ROPN1: variants seen among roughly 807,000 people sequenced by gnomAD.
ROPN1 encodes ropporin-1A.
In ROPN1, 14 loss-of-function variants were observed where a neutral mutation model predicts 20.5. The observed-to-expected ratio is 0.68, with a 90% confidence interval of 0.45 to 1.07. The LOEUF (loss-of-function observed/expected upper bound fraction) is 1.07. Ranked by LOEUF, ROPN1 falls within the 50% of genes least tolerant of loss-of-function variation. The pLI, the probability that ROPN1 is intolerant of heterozygous loss-of-function variation, is 0.00. For missense variants in ROPN1, 169 were observed against 242.8 expected (o/e 0.70, Z 2.02); for synonymous variants, 76 against 95.7 (o/e 0.79, Z 1.20).
intron 5 of ROPN1, 46 bp downstream of exon 5, chr3:123,969,996 C>A (rs371695015): frequency 1.3e-6 from 2 of 1,592,138 alleles, no homozygotes; most frequent in South Asian, 1.1e-5. Context: ...AGCTAGATTT[C>A]TTTTCCTGGT....
chr3:123,969,139 T>C lies in ROPN1; in HGVS notation c.*16A>G. The C allele has an allele frequency of 1.2e-6, 2 of 1,607,718 alleles. No individual in the cohort carries two copies. The highest frequency in any genetic ancestry group is 1.7e-6 in the Non-Finnish European group (2 of 1,174,220). On this transcript the variant is annotated 3_prime_UTR_variant, in exon 6 of 6. Coordinates refer to ENST00000405845, the MANE Select transcript of ROPN1 (RefSeq NM_001317774.2). ...TCATCTCTGTATCTTCCTTTAAAATTGCCAAAATTGTGCTTTTACTCCAGC... is the reference window on the plus strand; with the variant it reads ...TCATCTCTGTATCTTCCTTTAAAATCGCCAAAATTGTGCTTTTACTCCAGC...
intron 1 of ROPN1, among the ~76,000 whole-genome samples, chr3:123,989,757 G>A (rs1248957221): frequency 6.6e-6 from 1 of 152,168 alleles, no homozygotes; most frequent in Admixed American, 6.5e-5. Flanking sequence ...ACCTTTTAGT[G>A]AATGGCTTCT....
Position 123,969,994 on chromosome 3 carries a change from T to A in ROPN1, c.572+48A>T, listed in dbSNP as rs770013379. 4 of 1,588,036 alleles carry A rather than the reference T, an allele frequency of 2.5e-6. No homozygotes were observed. In the East Asian group the frequency reaches 9.0e-5, roughly 36 times the overall value. ...ATCTCACTATCTTGGCCAGCTAGAT[T>A]TCTTTTCCTGGTATTCTTTCACCTC... On this transcript the variant is annotated intron_variant, in intron 5 of 5. Coordinates refer to ENST00000405845, the MANE Select transcript of ROPN1 (RefSeq NM_001317774.2).
chr3:123,972,350 C>G (rs2037933347), intron 4 of ROPN1, among the ~76,000 whole-genome samples: 1 of 152,172 alleles, frequency 6.6e-6, no homozygotes, highest in African/African-American at 2.4e-5. Flanking sequence ...CATTCTCTTG[C>G]ACAATATTTT....
At chr3:123,974,943 A>T (rs2037990839) in intron 4 of ROPN1, 1 of 188,700 alleles carries the variant, frequency 5.3e-6, no homozygotes, top group African/African-American at 2.4e-5. Context: ...CTTATGTCTG[A>T]GTTCTGCATC....
At chr3:123,978,738 A>T (rs911596336) in intron 2 of ROPN1, 2 of 152,582 alleles carry the variant, frequency 1.3e-5, no homozygotes, top group African/African-American at 4.8e-5. Context: ...TAAGTAAGTC[A>T]CATACAACCA....
rs369775075 is a variant in ROPN1, at chr3:123,976,863, C to T, written c.234+1G>A. On this transcript the variant is annotated splice_donor_variant, in intron 3 of 5. Transcript: ENST00000405845. LOFTEE classifies it high-confidence loss of function. ...CCTCAATGCTGCAGCAGGGCCCTTA[C>T]CTGAGAATGCAGGATCTTTAACAGC... The T allele has an allele frequency of 5.0e-6, 8 of 1,613,434 alleles. No individual in the cohort carries two copies. The highest frequency in any genetic ancestry group is 5.9e-6 in the Non-Finnish European group (7 of 1,179,668).
chr3:123,990,382 G>A (rs1228648379), intron 1 of ROPN1, among the ~76,000 whole-genome samples: 2 of 151,976 alleles, frequency 1.3e-5, no homozygotes, highest in African/African-American at 4.8e-5. Context: ...CAGTTTTCAA[G>A]CTTGGATGAC....
At chr3:123,969,693 G>A (rs2037875735) in intron 5 of ROPN1, among the ~76,000 whole-genome samples, 1 of 152,128 alleles carries the variant, frequency 6.6e-6, no homozygotes, top group Non-Finnish European at 1.5e-5. Flanking sequence ...GCGTGAGTCA[G>A]AGTTACTAGG....
rs367680353 is a variant in ROPN1 at position 123,980,504 on chromosome 3, G to C, written c.-12-11C>G. The stretch of plus-strand genomic sequence containing the variant: ...CATTGATTGGTTGGCCTATTCTCAG[G>C]AGAAAAAAATACGTTAAGATGAAAA... On this transcript the variant is annotated splice_polypyrimidine_tract_variant and intron_variant, in intron 1 of 5. Coordinates refer to ENST00000405845, the MANE Select transcript of ROPN1 (RefSeq NM_001317774.2). The C allele has an allele frequency of 5.0e-6, 8 of 1,609,178 alleles. No individual in the cohort carries two copies. The highest frequency in any genetic ancestry group is 6.8e-6 in the Non-Finnish European group (8 of 1,176,730).
intron 1 of ROPN1, among the ~76,000 whole-genome samples, chr3:123,985,868 C>T (rs1003585639): frequency 4.0e-5 from 6 of 151,078 alleles, no homozygotes; most frequent in African/African-American, 1.2e-4. Flanking sequence ...AAAAATTAGC[C>T]GGGCATGGTG....
At chr3:123,986,018 A>AAAAAAAAAAAAT (rs201340337) in intron 1 of ROPN1, among the ~76,000 whole-genome samples, 4,237 of 93,910 alleles carry the variant, frequency 0.045, 1,155 homozygotes, top group East Asian at 0.23. Context: ...AAAAAAAAAA[A>AAAAAAAAAAAAT]TCAAAATATT....
chr3:123,975,048 C>T (rs2037993082), intron 4 of ROPN1: 2 of 402,130 alleles, frequency 5.0e-6, no homozygotes, highest in Non-Finnish European at 9.4e-6. Flanking sequence ...TCTTTTTCTA[C>T]AGTCGGCTCT....
At chr3:123,979,742 G>A (rs561987805) in intron 2 of ROPN1, 10 of 356,724 alleles carry the variant, frequency 2.8e-5, no homozygotes, top group South Asian at 8.5e-5. Flanking sequence ...TGTACTGTGC[G>A]GACATCTTTA....
chr3:123,973,842 C>T (rs929149350), intron 4 of ROPN1, among the ~76,000 whole-genome samples: 2 of 152,268 alleles, frequency 1.3e-5, no homozygotes, highest in South Asian at 2.1e-4. Flanking sequence ...CCGGGAGAGA[C>T]GAGACCAAAA....
At chr3:123,972,141 A>G (rs190134371) in intron 4 of ROPN1, among the ~76,000 whole-genome samples, 42 of 152,370 alleles carry the variant, frequency 2.8e-4, no homozygotes, top group Middle Eastern at 3.4e-3. Flanking sequence ...CCACCAAGTC[A>G]TGGCAACAAA....
intron 1 of ROPN1, among the ~76,000 whole-genome samples, chr3:123,987,389 GC>G (rs1210444383): frequency 6.6e-6 from 1 of 152,188 alleles, no homozygotes; most frequent in Non-Finnish European, 1.5e-5. Context: ...CACTGTCTGT[GC>G]CTTCCCTCTG....
In ROPN1 at chr3:123,980,453, A is replaced by G. The variant is rs765080435; in HGVS notation, c.29T>C (p.Ile10Thr). The G allele has an allele frequency of 2.8e-5, 45 of 1,613,964 alleles. No individual in the cohort carries two copies. In the South Asian group the frequency reaches 4.9e-4, roughly 18 times the overall value. Residue 10 changes from isoleucine (I) to threonine (T), a missense_variant, in exon 2 of 6, where the codon ATC becomes ACC. Coordinates refer to ENST00000405845, the MANE Select transcript of ROPN1 (RefSeq NM_001317774.2). The part of the protein sequence containing the change: MAQTDKPTC[I>T]PPELPKMLKE... ...CAGCATCTTCGGCAGCTCCGGCGGG[A>G]TGCATGTTGGCTTATCTGTCTGAGC...
At chr3:123,978,885 G>A (rs2148994917) in intron 2 of ROPN1, 1 of 153,884 alleles carries the variant, frequency 6.5e-6, no homozygotes, top group East Asian at 1.9e-4. Context: ...CAATACGAGA[G>A]CAAGCAGTCT....
Sources: allele counts gnomAD v4.1 joint callset (sites outside exome capture counted in the v4.1 genomes callset), GRCh38; gene constraint gnomAD v4.1.1; transcripts MANE v1.5; gene names NCBI Gene and HGNC (gene_info 2026-07-23, HGNC 2026-07-21).